The following ADARB2 variants were observed in gnomAD, a reference collection of about 807,000 sequenced individuals.
ADARB2 encodes adenosine deaminase RNA specific B2 (inactive), also known as inactive double-stranded RNA-specific editase B2.
In ADARB2, 25 loss-of-function variants were observed where a neutral mutation model predicts 62.2. The ratio of observed to expected loss-of-function variants is 0.40; its 90% confidence interval spans 0.29 to 0.56. ADARB2 has a LOEUF of 0.56. ADARB2 is among the 20% of genes least tolerant of loss of function. The pLI is 0.43. For synonymous variants in ADARB2, 572 were observed against 500.8 expected, an observed-to-expected ratio of 1.14 and a Z score of -1.90; for missense variants, 1,071 against 1,077.4, an observed-to-expected ratio of 0.99 and a Z score of 0.08.
intron 6 of ADARB2, among the ~76,000 whole-genome samples, chr10:1,221,410 T>C (rs1830693848): frequency 6.6e-6 from 1 of 152,034 alleles, no homozygotes; most frequent in Non-Finnish European, 1.5e-5. Context: ...TTCTTTTTTT[T>C]TTTTAATTTT....
At chr10:1,479,273 A>T (rs1327063927) in intron 1 of ADARB2, among the ~76,000 whole-genome samples, 1 of 152,214 alleles carries the variant, frequency 6.6e-6, no homozygotes, top group African/African-American at 2.4e-5. Context: ...CAGGCAAGGC[A>T]GCAGCCACGT....
intron 1 of ADARB2, among the ~76,000 whole-genome samples, chr10:1,432,419 C>G (rs1382360874): frequency 4.0e-5 from 6 of 151,716 alleles, no homozygotes; most frequent in Non-Finnish European, 8.8e-5. Flanking sequence ...AAGCTCACGC[C>G]CCTAATTCTC....
At chr10:1,352,144 C>T (rs1832149250) in intron 3 of ADARB2, among the ~76,000 whole-genome samples, 1 of 152,028 alleles carries the variant, frequency 6.6e-6, no homozygotes, top group Admixed American at 6.5e-5. Context: ...CAAATTTCTT[C>T]CTCATCTGTT....
At chr10:1,622,300 CA>C (rs1833712998) in intron 1 of ADARB2, among the ~76,000 whole-genome samples, 1 of 152,104 alleles carries the variant, frequency 6.6e-6, no homozygotes, top group Admixed American at 6.6e-5. Context: ...TTCTTAGACA[CA>C]ACATAAAAGG....
chr10:1,392,795 G>A (rs1005676283), intron 1 of ADARB2, among the ~76,000 whole-genome samples: 4 of 152,268 alleles, frequency 2.6e-5, no homozygotes, highest in South Asian at 2.1e-4. Context: ...TCCTGAAAGC[G>A]TCCAGTTAAA....
chr10:1,397,796 C>T (rs1832627700), intron 1 of ADARB2, among the ~76,000 whole-genome samples: 1 of 83,848 alleles, frequency 1.2e-5, no homozygotes, highest in South Asian at 5.6e-4. Flanking sequence ...CCTGGGTCAC[C>T]GTCCGTCTCT....
At chr10:1,564,968 C>A (rs911279595) in intron 1 of ADARB2, among the ~76,000 whole-genome samples, 4 of 152,186 alleles carry the variant, frequency 2.6e-5, no homozygotes, top group African/African-American at 9.6e-5. Context: ...TCAGGCCTGG[C>A]CTCGGCCGTA....
rs571143833 is a variant in ADARB2, at chr10:1,651,623, G to A, written c.100+85428C>T. Among the ~76,000 whole-genome samples, 5 of 152,340 alleles carry A rather than the reference G, an allele frequency of 3.3e-5. No homozygotes were observed. In the South Asian group the frequency reaches 6.2e-4, roughly 19 times the overall value. On this transcript the variant is annotated intron_variant, in intron 1 of 9. Transcript: ENST00000381312. ...TCCCACATACAGAAATTTCAGGCCC[G>A]TGCTGTTTGGCTGTTCATCATTTGT... is the stretch of plus-strand genomic sequence containing the variant.
In ADARB2 at chr10:1,363,718, C is replaced by A; in HGVS notation, c.387G>T (p.Ala129=). ...GCCTCAGCTCGTGCAGCTGCACCAG[C>A]GCGTTCTTGGGCGCCACCGACCACG... ...KLSWSVAPKN[A]LVQLHELRPG... Residue 129 remains alanine (A), a synonymous_variant, in exon 3 of 10, where the codon GCG becomes GCT. Coordinates refer to ENST00000381312, the MANE Select transcript of ADARB2 (RefSeq NM_018702.4). 6.2e-7 allele frequency: 1 copy of A among 1,611,272 alleles called. No homozygotes were observed. Among genetic ancestry groups the A allele is most frequent in the East Asian group, 2.2e-5 (1 of 44,808 alleles).
intron 1 of ADARB2, among the ~76,000 whole-genome samples, chr10:1,590,212 C>T (rs1833233924): frequency 6.6e-6 from 1 of 152,214 alleles, no homozygotes; most frequent in South Asian, 2.1e-4. Flanking sequence ...TCCATCTGTG[C>T]TCATTTTCAC....
chr10:1,395,063 C>T (rs1021007548), intron 1 of ADARB2: 8 of 440,866 alleles, frequency 1.8e-5, no homozygotes, highest in African/African-American at 6.1e-5. Context: ...ACTACAGATG[C>T]GTGCCACCAT....
At chr10:1,415,611 T>C (rs1369215233) in intron 1 of ADARB2, among the ~76,000 whole-genome samples, 1 of 152,236 alleles carries the variant, frequency 6.6e-6, no homozygotes, top group Non-Finnish European at 1.5e-5. Flanking sequence ...AATGATAATT[T>C]GATTGGCTAT....
At chr10:1,389,226 T>C (rs1832548754) in intron 1 of ADARB2, among the ~76,000 whole-genome samples, 7 of 152,168 alleles carry the variant, frequency 4.6e-5, no homozygotes, top group Admixed American at 4.6e-4. Context: ...TGGTTTTCAT[T>C]TAGGCAAGGA....
chr10:1,351,533 C>G (rs1253187608), intron 3 of ADARB2, among the ~76,000 whole-genome samples: 1 of 152,090 alleles, frequency 6.6e-6, no homozygotes, highest in Non-Finnish European at 1.5e-5. Context: ...TATCTGCTTC[C>G]CTGACTATTC....
At chr10:1,375,605 C>T (rs1030048699) in intron 2 of ADARB2, among the ~76,000 whole-genome samples, 2 of 152,254 alleles carry the variant, frequency 1.3e-5, no homozygotes, top group African/African-American at 2.4e-5. Flanking sequence ...TGAGAACTGT[C>T]CTCGTATTGG....
chr10:1,435,462 C>T (rs766033098), intron 1 of ADARB2, among the ~76,000 whole-genome samples: 10 of 148,386 alleles, frequency 6.7e-5, no homozygotes, highest in Non-Finnish European at 8.8e-5. Context: ...TTTGCTGCCC[C>T]GGGCTGAGCC....
chr10:1,513,422 C>T (rs1431408932), intron 1 of ADARB2, among the ~76,000 whole-genome samples: 1 of 152,182 alleles, frequency 6.6e-6, no homozygotes, highest in African/African-American at 2.4e-5. Flanking sequence ...CAGGAGGGCA[C>T]TCTGGAGTGT....
chr10:1,467,856 T>C (rs1298006340), intron 1 of ADARB2, among the ~76,000 whole-genome samples: 4 of 152,206 alleles, frequency 2.6e-5, no homozygotes, highest in Non-Finnish European at 4.4e-5. Flanking sequence ...GACATAGCGC[T>C]GTGTCCCTCT....
intron 1 of ADARB2, among the ~76,000 whole-genome samples, chr10:1,639,725 C>A (rs962966250): frequency 1.3e-5 from 2 of 152,074 alleles, no homozygotes; most frequent in Non-Finnish European, 2.9e-5. Context: ...GCCTGTAGTC[C>A]CAGCTACTCA....
Sources: gnomAD v4.1 joint callset for allele counts (sites outside exome capture counted in the v4.1 genomes callset) on GRCh38, gnomAD v4.1.1 for gene constraint, MANE v1.5 for transcripts, NCBI Gene and HGNC (gene_info 2026-07-23, HGNC 2026-07-21) for gene names.